AAK1: variants seen among roughly 807,000 people sequenced by gnomAD.
AAK1 encodes AP2 associated kinase 1, also known as AP2-associated protein kinase 1.
Under a neutral mutation model 116.0 loss-of-function variants are expected in AAK1, and 37 were observed. The ratio of observed to expected loss-of-function variants is 0.32; its 90% CI spans 0.25 to 0.42. AAK1 has a LOEUF of 0.42. AAK1 is among the 10% of genes least tolerant of loss of function. The pLI is 1.00. For synonymous variants in AAK1, 458 were observed against 439.9 expected, an observed-to-expected ratio of 1.04 and a Z score of -0.51; for missense variants, 919 against 1,170.6, an observed-to-expected ratio of 0.79 and a Z score of 3.14.
At position 69,519,121 on chromosome 2, in the gene AAK1, G is replaced by T. The variant is rs1422600188; in HGVS notation, c.1330C>A (p.Gln444Lys). Residue 444 changes from glutamine (Q) to lysine (K), a missense_variant, in exon 12 of 22, where the codon CAG (glutamine) becomes AAG (lysine). By Grantham distance (53) the Gln-to-Lys change is moderately conservative. Around this residue, in one of 4 missense-constraint regions of AAK1, gnomAD observed 214 missense variants for 210.6 expected, o/e 1.02. Coordinates refer to ENST00000409085, the MANE Select transcript of AAK1 (RefSeq NM_014911.5). ...CCCTGGGCCTGAGTAGAAGGCGTCT[G>T]CTGTGGAGTGGGAGGAGCCTGTGGC... The part of the protein sequence containing the change: ...KQPQAPPTPQ[Q>K]TPSTQAQGLP... 1 of 1,559,526 alleles carries T rather than the reference G, an allele frequency of 6.4e-7. No individual in the cohort carries two copies. The highest frequency in any genetic ancestry group is 8.7e-7 in the Non-Finnish European group (1 of 1,151,086).
chr2:69,637,286 T>C (rs1485036042), intron 2 of AAK1, among the ~76,000 whole-genome samples: 5 of 152,240 alleles, frequency 3.3e-5, no homozygotes, highest in Admixed American at 3.3e-4. Flanking sequence ...GCCTTGGGTC[T>C]GTTCCCCAGC....
intron 5 of AAK1, among the ~76,000 whole-genome samples, chr2:69,535,571 C>T (rs980380792): frequency 1.3e-5 from 2 of 151,892 alleles, no homozygotes; most frequent in African/African-American, 4.8e-5. Flanking sequence ...AAGGTGAAGA[C>T]GAATGTTATT....
At chr2:69,509,189 T>C (rs1676299197) in intron 14 of AAK1, 42 bp downstream of exon 14, 1 of 1,575,446 alleles carries the variant, frequency 6.3e-7, no homozygotes, top group Non-Finnish European at 8.7e-7. Flanking sequence ...AGGCAGACTT[T>C]GCCCACAGAG....
chr2:69,578,532 G>C (rs961084410), intron 2 of AAK1, among the ~76,000 whole-genome samples: 2 of 152,090 alleles, frequency 1.3e-5, no homozygotes, highest in African/African-American at 2.4e-5. Context: ...AAAAATCTCT[G>C]AACACTGAGA....
At chr2:69,635,089 A>C (rs967172647) in intron 2 of AAK1, among the ~76,000 whole-genome samples, 13 of 152,262 alleles carry the variant, frequency 8.5e-5, no homozygotes, top group African/African-American at 3.1e-4. Context: ...GATACCCAGA[A>C]TATACAGAGA....
At chr2:69,585,630 C>A (rs1054823172) in intron 2 of AAK1, among the ~76,000 whole-genome samples, 1 of 152,176 alleles carries the variant, frequency 6.6e-6, no homozygotes, top group Non-Finnish European at 1.5e-5. Context: ...TTAAAGGCAG[C>A]CTTGAGTTCT....
chr2:69,533,451 T>G (rs951407512), intron 5 of AAK1, among the ~76,000 whole-genome samples: 2 of 152,200 alleles, frequency 1.3e-5, no homozygotes, highest in African/African-American at 4.8e-5. Flanking sequence ...ATTTCTATAC[T>G]TGTTTCTATA....
chr2:69,483,078 T>G (rs1385733288), intron 17 of AAK1, among the ~76,000 whole-genome samples: 4 of 152,196 alleles, frequency 2.6e-5, no homozygotes, highest in Admixed American at 6.5e-5. Flanking sequence ...TTATTTGAGG[T>G]GTAATTTGCA....
chr2:69,591,999 C>A (rs976251421), intron 2 of AAK1, among the ~76,000 whole-genome samples: 1 of 152,176 alleles, frequency 6.6e-6, no homozygotes, highest in Non-Finnish European at 1.5e-5. Context: ...CCCAGTTACC[C>A]TCTCCTGGTT....
At chr2:69,572,874 G>C (rs1672147458) in intron 2 of AAK1, among the ~76,000 whole-genome samples, 1 of 152,060 alleles carries the variant, frequency 6.6e-6, no homozygotes, top group Non-Finnish European at 1.5e-5. Context: ...AAGGAAGTGA[G>C]AGCTGGGTAA....
chr2:69,557,005 T>C, intron 2 of AAK1, 27 bp from the exon 3 acceptor site: 4 of 1,562,374 alleles, frequency 2.6e-6, no homozygotes, highest in Non-Finnish European at 3.5e-6. Flanking sequence ...CACAAGCTCT[T>C]TTGAGTCAAT....
intron 17 of AAK1, among the ~76,000 whole-genome samples, chr2:69,486,903 G>A (rs1402625782): frequency 1.3e-5 from 2 of 152,084 alleles, no homozygotes; most frequent in Non-Finnish European, 2.9e-5. Context: ...CATGGTCCCA[G>A]GGACAACGGT....
chr2:69,608,615 AT>A (rs1673920984), intron 2 of AAK1, among the ~76,000 whole-genome samples: 1 of 152,246 alleles, frequency 6.6e-6, no homozygotes, highest in African/African-American at 2.4e-5. Context: ...GGAACAGCAA[AT>A]TGAAGACTAT....
At chr2:69,542,786 T>C (rs1357887640) in intron 4 of AAK1, 121 bp from the exon 5 acceptor site, 1 of 1,113,108 alleles carries the variant, frequency 9.0e-7, no homozygotes, top group East Asian at 2.5e-5. Flanking sequence ...AGCTGACCAC[T>C]GACTGAGCCA....
At chr2:69,582,537 CTT>C (rs2105146307) in intron 2 of AAK1, among the ~76,000 whole-genome samples, 1 of 152,284 alleles carries the variant, frequency 6.6e-6, no homozygotes, top group Admixed American at 6.5e-5. Context: ...AAGCTAATGA[CTT>C]TGCAAATTCC....
intron 2 of AAK1, among the ~76,000 whole-genome samples, chr2:69,594,552 T>C (rs1673177447): frequency 2.0e-5 from 3 of 152,258 alleles, no homozygotes; most frequent in African/African-American, 2.4e-5. Context: ...TGGTTACTAC[T>C]GCCAGGAATG....
chr2:69,561,846 C>T (rs144099475), intron 2 of AAK1, among the ~76,000 whole-genome samples: 1 of 152,272 alleles, frequency 6.6e-6, no homozygotes, highest in Non-Finnish European at 1.5e-5. Context: ...CTACAGTATA[C>T]ACTGCTTTGG....
rs959220504 is a variant in AAK1, at chr2:69,469,092, G to A, written c.*6777C>T. On this transcript the variant is annotated 3_prime_UTR_variant, in exon 22 of 22. Coordinates refer to ENST00000409085, the MANE Select transcript of AAK1 (RefSeq NM_014911.5). ...CTTTCAGCATCAACAGGCTTTGTAG[G>A]AATGGAAAAGTACATTTAAAGGGTT... 34 of 985,330 alleles carry A rather than the reference G, an allele frequency of 3.5e-5. No homozygotes were observed. The highest frequency in any genetic ancestry group is 4.1e-5 in the Non-Finnish European group (34 of 829,944). 61.0% of individuals were successfully genotyped at this position (985,330 alleles called of 1,614,324 possible). A position where few individuals can be genotyped will look rare whatever the true frequency, so the allele number is the denominator to read the frequency against.
At chr2:69,522,744 C>G (rs1042897790) in intron 10 of AAK1, among the ~76,000 whole-genome samples, 2 of 150,820 alleles carry the variant, frequency 1.3e-5, no homozygotes, top group Non-Finnish European at 2.9e-5. Flanking sequence ...GCAGAGGTTG[C>G]AGTGAGCCAA....
Sources: allele counts gnomAD v4.1 joint callset (sites outside exome capture counted in the v4.1 genomes callset), GRCh38; gene constraint gnomAD v4.1.1; regional missense constraint gnomAD v4.1.1; transcripts MANE v1.5; gene names NCBI Gene and HGNC (gene_info 2026-07-23, HGNC 2026-07-21).